Variants in ZC4H2 observed in about 807,000 individuals in gnomAD.
ZC4H2 encodes zinc finger C4H2 domain-containing protein.
For missense variants in ZC4H2, 137 were observed against 173.9 expected, an observed-to-expected ratio of 0.79 and a Z score of 1.19; for synonymous variants, 84 against 66.3, an observed-to-expected ratio of 1.27 and a Z score of -1.30.
chrX:64,959,938 A>G (rs776459459), intron 1 of ZC4H2, among the ~76,000 whole-genome samples: 2 of 111,308 alleles, frequency 1.8e-5, no homozygotes, highest in South Asian at 7.6e-4. Flanking sequence ...AATAACCTTG[A>G]CTTTCACTTC....
intron 1 of ZC4H2, among the ~76,000 whole-genome samples, chrX:65,000,109 TC>T (rs1932506122): frequency 8.9e-6 from 1 of 112,227 alleles, no homozygotes; most frequent in African/African-American, 3.2e-5. Flanking sequence ...ATAGACTGCT[TC>T]CTAAAGTGGG....
At chrX:64,981,811 C>A (rs1337952289) in intron 1 of ZC4H2, among the ~76,000 whole-genome samples, 1 of 111,155 alleles carries the variant, frequency 9.0e-6, no homozygotes, top group Admixed American at 9.5e-5. Flanking sequence ...GTGTTTGAAG[C>A]CTTAACTTTG....
At chrX:64,971,634 C>T (rs1184260524) in intron 1 of ZC4H2, among the ~76,000 whole-genome samples, 3 of 111,033 alleles carry the variant, frequency 2.7e-5, no homozygotes, top group South Asian at 3.8e-4. Flanking sequence ...AACTTCCAGG[C>T]GGACAAGCCC....
chrX:64,948,020 T>A (rs964365382), intron 1 of ZC4H2, among the ~76,000 whole-genome samples: 2 of 111,298 alleles, frequency 1.8e-5, no homozygotes, highest in Non-Finnish European at 3.8e-5. Flanking sequence ...AGAAGTGGCA[T>A]CTGAAGTAGA....
At position 64,946,139 on chromosome X, in the gene ZC4H2, C is replaced by A. The variant is rs775844754; in HGVS notation, c.54-24151G>T. 2.5e-3 allele frequency among the ~76,000 whole-genome samples: 274 copies of A among 109,788 alleles called. 2 individuals carry two copies. In the Middle Eastern group the frequency reaches 0.032, roughly 13 times the overall value. ...TGCCCCTGGCGTGTGGGAAAAAAAA[C>A]CAAAACCAAAACAAAACAAAACAAA... On this transcript the variant is annotated intron_variant, in intron 1 of 4. Coordinates refer to ENST00000374839, the MANE Select transcript of ZC4H2 (RefSeq NM_018684.4).
chrX:65,017,624 G>A (rs1193434869), intron 1 of ZC4H2, among the ~76,000 whole-genome samples: 1 of 111,906 alleles, frequency 8.9e-6, no homozygotes, highest in Admixed American at 9.5e-5. Flanking sequence ...ATTCCTAGGT[G>A]GAGTCTGTTT....
intron 1 of ZC4H2, among the ~76,000 whole-genome samples, chrX:64,950,402 T>C (rs745760460): frequency 1.8e-5 from 2 of 111,547 alleles, no homozygotes; most frequent in East Asian, 5.6e-4. Context: ...CTGGATATCC[T>C]TTTTAACTTT....
At chrX:64,949,862 A>C (rs1331453045) in intron 1 of ZC4H2, among the ~76,000 whole-genome samples, 1 of 110,718 alleles carries the variant, frequency 9.0e-6, no homozygotes, top group Non-Finnish European at 1.9e-5. Context: ...TTCTGCTCTG[A>C]TCTTAGTTAT....
chrX:64,950,910 C>T (rs953877745), intron 1 of ZC4H2, among the ~76,000 whole-genome samples: 1 of 110,510 alleles, frequency 9.0e-6, no homozygotes, highest in Admixed American at 9.7e-5. Flanking sequence ...CACCCATTAA[C>T]TCGTCATTTA....
intron 2 of ZC4H2, among the ~76,000 whole-genome samples, chrX:64,921,515 C>T (rs752454250): frequency 4.5e-5 from 5 of 112,088 alleles, no homozygotes; most frequent in African/African-American, 6.5e-5. Context: ...TAGCTCTCAA[C>T]TCCCAGAATC....
intron 1 of ZC4H2, among the ~76,000 whole-genome samples, chrX:64,975,358 A>T (rs1030539197): frequency 3.8e-5 from 4 of 104,774 alleles, no homozygotes; most frequent in African/African-American, 1.4e-4. Flanking sequence ...TGTAGGTCTC[A>T]TCCAGCACTC....
At chrX:64,936,023 T>G in intron 1 of ZC4H2, among the ~76,000 whole-genome samples, 1 of 109,659 alleles carries the variant, frequency 9.1e-6, no homozygotes, top group Non-Finnish European at 1.9e-5. Context: ...CTAAGAACAT[T>G]GAAAAAGGTT....
At chrX:65,013,989 G>GA (rs926960273) in intron 1 of ZC4H2, among the ~76,000 whole-genome samples, 40 of 107,616 alleles carry the variant, frequency 3.7e-4, no homozygotes, top group Middle Eastern at 4.7e-3. Context: ...TGCTTGTGTA[G>GA]AAAAAAAAAG....
chrX:64,944,134 CTTT>C (rs1004681823), intron 1 of ZC4H2, among the ~76,000 whole-genome samples: 1 of 98,350 alleles, frequency 1.0e-5, no homozygotes, highest in Non-Finnish European at 2.0e-5. Flanking sequence ...AAATTTTTTT[CTTT>C]TTTCTTTTTT....
intron 1 of ZC4H2, among the ~76,000 whole-genome samples, chrX:65,031,730 T>A (rs1932936049): frequency 9.0e-6 from 1 of 111,716 alleles, no homozygotes; most frequent in Admixed American, 9.5e-5. Flanking sequence ...AAGGTCAAGG[T>A]CACATTTCTC....
intron 3 of ZC4H2, chrX:64,919,664 G>C (rs759534337): frequency 7.0e-6 from 1 of 143,432 alleles, no homozygotes; most frequent in South Asian, 3.0e-4. Context: ...AGGAGATGAA[G>C]TAAGTCCCAG....
At position 64,976,313 on chromosome X, in the gene ZC4H2, C is replaced by A. The variant is rs1278602036; in HGVS notation, c.53+12G>T. On this transcript the variant is annotated intron_variant, in intron 1 of 4. Coordinates refer to ENST00000374839, the MANE Select transcript of ZC4H2 (RefSeq NM_018684.4). ...TGGAGAGGGGCGGGGAGGGGGACAA[C>A]GTGCCACTTACCTGATCTCTTTAAT... 3.3e-6 allele frequency: 4 copies of A among 1,210,351 alleles called. No individual in the cohort carries two copies. The highest frequency in any genetic ancestry group is 4.5e-6 in the Non-Finnish European group (4 of 894,353).
At chrX:65,026,535 C>G (rs1932880540) in intron 1 of ZC4H2, among the ~76,000 whole-genome samples, 1 of 110,348 alleles carries the variant, frequency 9.1e-6, no homozygotes, top group Non-Finnish European at 1.9e-5. Context: ...CGGTGAAACC[C>G]TGTCTCTAAT....
intron 1 of ZC4H2, among the ~76,000 whole-genome samples, chrX:65,027,334 A>AGAT (rs1932890127): frequency 8.9e-6 from 1 of 111,801 alleles, no homozygotes; most frequent in African/African-American, 3.3e-5. Context: ...TTGCATTTTT[A>AGAT]GATAACTTAT....
Sources: allele counts gnomAD v4.1 joint callset (sites outside exome capture counted in the v4.1 genomes callset), GRCh38; gene constraint gnomAD v4.1.1; transcripts MANE v1.5; gene names NCBI Gene and HGNC (gene_info 2026-07-23, HGNC 2026-07-21).